PRCD: variants seen among roughly 807,000 people sequenced by gnomAD.
PRCD encodes the protein photoreceptor disk component PRCD.
PRCD carries 12 observed loss-of-function variants against 10.1 expected under a neutral mutation model. That is an observed-to-expected ratio of 1.18 (90% CI 0.76 to 1.92). The LOEUF (loss-of-function observed/expected upper bound fraction) is 1.92, where lower values mean the gene tolerates loss of function less well. PRCD is among the 40% of genes most tolerant of loss of function. The pLI is 0.00. For synonymous variants in PRCD, 31 were observed against 26.2 expected (o/e 1.18, Z -0.56); for missense variants, 61 against 72.2 (o/e 0.84, Z 0.56).
chr17:76,529,183 T>C (rs1249749946), intron 1 of PRCD: 4 of 984,578 alleles, frequency 4.1e-6, no homozygotes, highest in Non-Finnish European at 4.8e-6. Flanking sequence ...ACTCTGTAAC[T>C]CCATCCTACC....
chr17:76,547,674 CAG>C (rs2075065661), downstream of PRCD, among the ~76,000 whole-genome samples: 4 of 151,114 alleles, frequency 2.6e-5, no homozygotes, highest in Admixed American at 2.0e-4. Flanking sequence ...TATTCACACA[CAG>C]AGACACCCAC....
At position 76,540,548 on chromosome 17, in the gene PRCD, G is replaced by T. The variant is rs778503433; in HGVS notation, c.118G>T (p.Asp40Tyr). The change falls in exon 2 of 5, where the codon GAT becomes TAT. Residue 40 changes from aspartate to tyrosine, a missense_variant. Transcript: ENST00000592014. This position sits in a 1 kb window ranked among gnomAD's most constrained non-coding sequence, Gnocchi z 5.0. The part of the protein sequence containing the change: ...VDGAARGSSL[D>Y]ADPQSSGREK... ...TGGGGCAGCTAGGGGCAGCAGCTTG[G>T]ATGCGGACCCTCAGTCCTCAGGCAG... The T allele has an allele frequency of 2.5e-6, 4 of 1,613,478 alleles. No homozygotes were observed. Among genetic ancestry groups the T allele is most frequent in the Non-Finnish European group, 3.4e-6 (4 of 1,179,950 alleles).
At position 76,531,445 on chromosome 17, in the gene PRCD, G is replaced by A; in HGVS notation, n.45+3612G>A. 2 of 1,596,706 alleles carry A rather than the reference G, an allele frequency of 1.3e-6. No individual in the cohort carries two copies. Among genetic ancestry groups the A allele is most frequent in the Non-Finnish European group, 1.7e-6 (2 of 1,165,462 alleles). Reference sequence around the variant, plus strand: ...CGTGGGCGGTGGGGGCTCTGCAGCAGATGGGGGCGCATACCTTGAAGTACA... The same window carrying A: ...CGTGGGCGGTGGGGGCTCTGCAGCAAATGGGGGCGCATACCTTGAAGTACA... On this transcript the variant is annotated intron_variant and non_coding_transcript_variant, in intron 1 of 4. Transcript: ENST00000397633. This position sits in a 1 kb window ranked among gnomAD's most constrained non-coding sequence, Gnocchi z 7.4.
At chr17:76,538,331 G>A, upstream of PRCD, 1 of 323,664 alleles carries the variant, frequency 3.1e-6, no homozygotes, top group Non-Finnish European at 6.2e-6. Flanking sequence ...GGGTTAGCAC[G>A]GGGGTCGTCC....
chr17:76,547,643 TCACA>T (rs56118010), downstream of PRCD, among the ~76,000 whole-genome samples: 50,346 of 149,702 alleles, frequency 0.34, 10,315 homozygotes, highest in African/African-American at 0.59. Context: ...ACACACACAT[TCACA>T]CACACACACA....
At chr17:76,539,929 C>T (rs975949469), upstream of PRCD, 25 of 605,684 alleles carry the variant, frequency 4.1e-5, no homozygotes, top group South Asian at 3.5e-4. Context: ...TTGACCCTAC[C>T]GCTGGAGGGG....
At chr17:76,542,926 G>GA in intron 3 of PRCD, 103 bp from the exon 4 acceptor site, 1 of 563,864 alleles carries the variant, frequency 1.8e-6, no homozygotes. Context: ...AGTGTCGGAG[G>GA]ACGCCCAAGG....
At chr17:76,535,501 G>A (rs1159889074), upstream of PRCD, among the ~76,000 whole-genome samples, 2 of 152,112 alleles carry the variant, frequency 1.3e-5, no homozygotes, top group Non-Finnish European at 2.9e-5. Context: ...TGGGGCTTGG[G>A]CTGGCAGGGA....
Position 76,542,598 on chromosome 17 carries a change from T to G in PRCD, c.*24T>G. 6.2e-7 allele frequency: 1 copy of G among 1,614,000 alleles called. No homozygotes were observed. The highest frequency in any genetic ancestry group is 1.1e-5 in the South Asian group (1 of 91,084). Reference sequence around the variant, plus strand: ...AAGCCCTCACCTCTGCAGGTGGGGCTCAGGCCCAGAGACTGGGATCAGCTG... The same window carrying G: ...AAGCCCTCACCTCTGCAGGTGGGGCGCAGGCCCAGAGACTGGGATCAGCTG... On this transcript the variant is annotated 3_prime_UTR_variant, in exon 3 of 5. Coordinates refer to ENST00000592014, the MANE Select transcript of PRCD (RefSeq NM_001077620.3).
intron 1 of PRCD, chr17:76,529,236 C>T: frequency 1.0e-6 from 1 of 985,456 alleles, no homozygotes; most frequent in African/African-American, 1.7e-5. Flanking sequence ...GCTCTGCAGG[C>T]TCAGGCCAGG....
chr17:76,548,820 G>T (rs1163050650), downstream of PRCD, among the ~76,000 whole-genome samples: 1 of 152,198 alleles, frequency 6.6e-6, no homozygotes, highest in Non-Finnish European at 1.5e-5. Context: ...AGAAAACTGG[G>T]CAAGATATAA....
chr17:76,552,154 T>TA lies in PRCD; in HGVS notation n.84-951dup, dbSNP rs750654071. On this transcript the variant is annotated intron_variant and non_coding_transcript_variant, in intron 1 of 1. Transcript: ENST00000587063. ...TTTGACTGAAACAGAACACCCAACTTAAAATGACTTAATAAGATTTCTTTT... is the reference window on the plus strand; with the variant it reads ...TTTGACTGAAACAGAACACCCAACTTAAAAATGACTTAATAAGATTTCTTTT... The TA allele has an allele frequency of 3.3e-5, 5 of 152,328 alleles. No individual in the cohort carries two copies. The East Asian group carries it at 7.7e-4, about 24-fold the overall frequency. The allele number at this position is 152,328 out of a possible 1,614,324, so 9.4% of individuals were successfully genotyped here.
chr17:76,540,181 C>G lies in PRCD; in HGVS notation c.40C>G (p.Leu14Val). The change falls in exon 1 of 5, where the codon CTC (leucine) becomes GTC (valine). Residue 14 changes from leucine to valine, a missense_variant. Coordinates refer to ENST00000592014, the MANE Select transcript of PRCD (RefSeq NM_001077620.3). This position sits in a 1 kb window ranked among gnomAD's most constrained non-coding sequence, Gnocchi z 5.0. ...TLFLLSTLAM[L>V]WRRRFANRVQ... ...TTTCCTGCTCAGCACCCTGGCCATG[C>G]TCTGGCGCCGCCGATTTGCCAACCG... is the stretch of plus-strand genomic sequence containing the variant. 6.3e-7 allele frequency: 1 copy of G among 1,578,882 alleles called. No individual in the cohort carries two copies. The highest frequency in any genetic ancestry group is 1.1e-5 in the South Asian group (1 of 89,442).
Position 76,531,221 on chromosome 17 carries a change from T to C in PRCD, n.45+3388T>C. On this transcript the variant is annotated intron_variant and non_coding_transcript_variant, in intron 1 of 4. Coordinates refer to the PRCD transcript ENST00000397633. This position sits in a 1 kb window ranked among gnomAD's most constrained non-coding sequence, Gnocchi z 7.4. Reference sequence around the variant, plus strand: ...AACCCCCAGGCCCCTCCGCCCCACGTGTGGCCGAGAGGATCATTCCTAACG... The same window carrying C: ...AACCCCCAGGCCCCTCCGCCCCACGCGTGGCCGAGAGGATCATTCCTAACG... The C allele has an allele frequency of 6.9e-7, 1 of 1,448,740 alleles. No individual in the cohort carries two copies. Among genetic ancestry groups the C allele is most frequent in the Non-Finnish European group, 9.5e-7 (1 of 1,057,790 alleles). The allele number at this position is 1,448,740 out of a possible 1,614,324, so 89.7% of individuals were successfully genotyped here.
rs1399147479 is a variant in PRCD at position 76,531,885 on chromosome 17, G to C, written n.45+4052G>C. On this transcript the variant is annotated intron_variant and non_coding_transcript_variant, in intron 1 of 4. Coordinates refer to the PRCD transcript ENST00000397633. This position sits in a 1 kb window ranked among gnomAD's most constrained non-coding sequence, Gnocchi z 7.4. ...GGCCAAGCCGGCTCACCCCTACCAA[G>C]TCTGGCCATGTCTATCTGCCAGGCT... 3 of 530,656 alleles carry C rather than the reference G, an allele frequency of 5.7e-6. No individual in the cohort carries two copies. The highest frequency in any genetic ancestry group is 2.6e-5 in the South Asian group (1 of 39,204). 32.9% of individuals were successfully genotyped at this position (530,656 alleles called of 1,614,324 possible). A position where few individuals can be genotyped will look rare whatever the true frequency, so the allele number is the denominator to read the frequency against.
intron 1 of PRCD, chr17:76,552,034 G>A (rs2075112968): frequency 6.6e-6 from 1 of 152,048 alleles, no homozygotes; most frequent in Admixed American, 6.6e-5. Context: ...TATGATTTCC[G>A]GAAGGAGGCT....
chr17:76,537,433 T>C (rs11544066), upstream of PRCD: 1 of 1,598,896 alleles, frequency 6.3e-7, no homozygotes, highest in Non-Finnish European at 8.5e-7. Flanking sequence ...GTCCTCGCAG[T>C]TGGCATAGAG....
upstream of PRCD, among the ~76,000 whole-genome samples, chr17:76,539,175 G>A (rs1704015934): frequency 6.6e-6 from 1 of 152,178 alleles, no homozygotes; most frequent in Admixed American, 6.5e-5. Context: ...CCAGACCCAT[G>A]TCTCAGCGTG....
At chr17:76,547,888 TACAC>T (rs768752289), downstream of PRCD, among the ~76,000 whole-genome samples, 9 of 144,264 alleles carry the variant, frequency 6.2e-5, no homozygotes, top group Middle Eastern at 4.0e-3. Context: ...CACATACACA[TACAC>T]ACAGACACAC....
Sources: allele counts gnomAD v4.1 joint callset (sites outside exome capture counted in the v4.1 genomes callset), GRCh38; gene constraint gnomAD v4.1.1; non-coding constraint Gnocchi (gnomAD v3.1); transcripts MANE v1.5; gene names NCBI Gene and HGNC (gene_info 2026-07-23, HGNC 2026-07-21).